MEGF11: variants seen among roughly 807,000 people sequenced by gnomAD.
MEGF11 encodes multiple epidermal growth factor-like domains protein 11.
A neutral mutation model predicts 146.6 loss-of-function variants in MEGF11; 126 were observed. The observed-to-expected ratio is 0.86, with a 90% CI of 0.74 to 1.00. MEGF11 has a LOEUF of 1.00. Ranked by LOEUF, MEGF11 falls within the 50% of genes least tolerant of loss-of-function variation. The pLI, the probability that MEGF11 is intolerant of heterozygous loss-of-function variation, is 0.00. For missense variants in MEGF11, 1,509 were observed against 1,521.2 expected (o/e 0.99, Z 0.13); for synonymous variants, 532 against 583.4 (o/e 0.91, Z 1.27).
chr15:66,090,175 A>G (rs1198536927), intron 5 of MEGF11, among the ~76,000 whole-genome samples: 3 of 152,200 alleles, frequency 2.0e-5, no homozygotes, highest in African/African-American at 7.2e-5. Flanking sequence ...TACTACATTT[A>G]TCCCCTTCAC....
chr15:66,025,170 C>A (rs566210609), intron 5 of MEGF11, among the ~76,000 whole-genome samples: 29 of 152,370 alleles, frequency 1.9e-4, no homozygotes, highest in Non-Finnish European at 4.0e-4. Context: ...TGAACTCTCT[C>A]TTCCAGCAAG....
intron 1 of MEGF11, among the ~76,000 whole-genome samples, chr15:66,175,294 C>T (rs552112224): frequency 7.9e-5 from 12 of 152,220 alleles, no homozygotes; most frequent in African/African-American, 2.6e-4. Flanking sequence ...ATACCAATGA[C>T]AGTCTTCACA....
chr15:66,243,884 C>A (rs1299230268), intron 1 of MEGF11, among the ~76,000 whole-genome samples: 1 of 152,060 alleles, frequency 6.6e-6, no homozygotes, highest in Non-Finnish European at 1.5e-5. Context: ...CAGAACAGTC[C>A]TTCCAACATC....
intron 1 of MEGF11, among the ~76,000 whole-genome samples, chr15:66,160,990 G>C (rs2089935397): frequency 6.6e-6 from 1 of 152,178 alleles, no homozygotes; most frequent in African/African-American, 2.4e-5. Context: ...GCAGGGAAGA[G>C]AAGTCTAGGT....
At chr15:65,939,965 T>A (rs1347365453) in intron 10 of MEGF11, among the ~76,000 whole-genome samples, 1 of 152,208 alleles carries the variant, frequency 6.6e-6, no homozygotes, top group African/African-American at 2.4e-5. Flanking sequence ...TCAGTACACA[T>A]GGGTTGAATT....
At chr15:66,027,752 G>C (rs2083386039) in intron 5 of MEGF11, among the ~76,000 whole-genome samples, 1 of 152,182 alleles carries the variant, frequency 6.6e-6, no homozygotes, top group African/African-American at 2.4e-5. Context: ...TCAGGGCTGA[G>C]AGTCACTGCC....
chr15:66,245,220 C>T (rs538200654), intron 1 of MEGF11, among the ~76,000 whole-genome samples: 11 of 152,248 alleles, frequency 7.2e-5, no homozygotes, highest in South Asian at 2.1e-4. Context: ...CAGGTAGGGA[C>T]TGGGGAGGCA....
intron 10 of MEGF11, among the ~76,000 whole-genome samples, chr15:65,931,399 G>C (rs758286335): frequency 1.3e-5 from 2 of 152,182 alleles, no homozygotes; most frequent in South Asian, 4.1e-4. Flanking sequence ...CACTGTGAGC[G>C]AGCAGGAAAT....
chr15:66,159,245 C>A (rs373667384), intron 1 of MEGF11, among the ~76,000 whole-genome samples: 3 of 152,332 alleles, frequency 2.0e-5, no homozygotes, highest in East Asian at 3.9e-4. Context: ...GTAGAACTCA[C>A]ACAATGCCCA....
chr15:66,024,567 T>C (rs1322171655), intron 5 of MEGF11, among the ~76,000 whole-genome samples: 1 of 152,236 alleles, frequency 6.6e-6, no homozygotes, highest in Non-Finnish European at 1.5e-5. Context: ...GCCCTTTACA[T>C]GCATTATGTT....
At chr15:66,252,105 C>A (rs778285605) in intron 1 of MEGF11, among the ~76,000 whole-genome samples, 71 of 152,232 alleles carry the variant, frequency 4.7e-4, no homozygotes, top group Non-Finnish European at 8.8e-4. Flanking sequence ...CGGGGCTCCG[C>A]TGGCTCCGAG....
chr15:65,905,454 C>G (rs566368035), intron 24 of MEGF11: 1 of 152,308 alleles, frequency 6.6e-6, no homozygotes, highest in Admixed American at 6.5e-5. Flanking sequence ...TGACAGAGTT[C>G]CAAAGCCCCC....
intron 1 of MEGF11, among the ~76,000 whole-genome samples, chr15:66,161,162 A>T (rs1326985276): frequency 6.6e-6 from 1 of 152,224 alleles, no homozygotes; most frequent in African/African-American, 2.4e-5. Context: ...GTGAAGTCAG[A>T]TGGGATCAGA....
intron 5 of MEGF11, among the ~76,000 whole-genome samples, chr15:66,021,091 C>T (rs1298832921): frequency 6.6e-6 from 1 of 150,528 alleles, no homozygotes; most frequent in Admixed American, 6.6e-5. Context: ...CCACACCGTC[C>T]AGGAGGACAC....
At chr15:65,900,226 A>G (rs11637538) in intron 24 of MEGF11, among the ~76,000 whole-genome samples, 9,392 of 152,276 alleles carry the variant, frequency 0.062, 423 homozygotes, top group Non-Finnish European at 0.092. Flanking sequence ...CAGATGGTGA[A>G]ATTCTTGGAT....
chr15:66,031,144 A>C (rs1337098762), intron 5 of MEGF11, among the ~76,000 whole-genome samples: 3 of 152,266 alleles, frequency 2.0e-5, no homozygotes. Flanking sequence ...ATGTCTTAGA[A>C]GCCTCTTTTG....
intron 7 of MEGF11, among the ~76,000 whole-genome samples, chr15:65,975,271 T>C (rs1331278780): frequency 6.6e-6 from 1 of 152,238 alleles, no homozygotes; most frequent in East Asian, 1.9e-4. Context: ...GAGCTGGGAC[T>C]GCAGGCTCAT....
In MEGF11 at chr15:65,922,362, A is replaced by G. The variant is rs535427721; in HGVS notation, c.1933T>C (p.Phe645Leu). The G allele has an allele frequency of 1.0e-5, 16 of 1,606,176 alleles. No homozygotes were observed. The highest frequency in any genetic ancestry group is 3.4e-5 in the Admixed American group (2 of 59,156). ...CCTTGGTTGCAGAGAGCTCCAGAGA[A>G]TCCTGGGAGGCACTCACAGATGCCG... ...ISGICECLPG[F>L]SGALCNQVCA... Residue 645 changes from phenylalanine to leucine, a missense_variant, in exon 15 of 26, where the codon TTC (phenylalanine) becomes CTC (leucine). Coordinates refer to ENST00000395614, the MANE Select transcript of MEGF11 (RefSeq NM_001385028.1).
chr15:65,923,965 G>C (rs914090599), intron 13 of MEGF11, among the ~76,000 whole-genome samples: 2 of 152,186 alleles, frequency 1.3e-5, no homozygotes, highest in African/African-American at 4.8e-5. Flanking sequence ...GATTGGCTTG[G>C]CTTCAGCAGG....
Sources: allele counts gnomAD v4.1 joint callset (sites outside exome capture counted in the v4.1 genomes callset), GRCh38; gene constraint gnomAD v4.1.1; transcripts MANE v1.5; gene names NCBI Gene and HGNC (gene_info 2026-07-23, HGNC 2026-07-21).